The following UGT1A9 variants were observed in gnomAD, a reference collection of about 807,000 sequenced individuals.
UGT1A9 encodes the protein UDP glucuronosyltransferase family 1 member A9, also known as UDP-glucuronosyltransferase 1A9.
Under a neutral mutation model 45.0 loss-of-function variants are expected in UGT1A9, and 35 were observed. The observed-to-expected ratio is 0.78, with a 90% confidence interval of 0.59 to 1.03. The LOEUF is 1.03. Among genes scored for constraint, UGT1A9 ranks in the 50% least tolerant of loss-of-function variants. The probability of loss-of-function intolerance (pLI) is 0.00; values close to 1 mark genes in which losing one functional copy is unlikely to be tolerated. For missense variants in UGT1A9, 687 were observed against 666.6 expected (o/e 1.03, Z -0.34); for synonymous variants, 278 against 250.6 (o/e 1.11, Z -1.03).
At chr2:233,752,558 C>A (rs1695002027) in intron 1 of UGT1A9, 1 of 152,132 alleles carries the variant, frequency 6.6e-6, no homozygotes, top group Non-Finnish European at 1.5e-5. Context: ...GCTGGGACAA[C>A]ATAGTGGGTC....
chr2:233,701,928 A>G (rs1360011790), intron 1 of UGT1A9, among the ~76,000 whole-genome samples: 1 of 152,208 alleles, frequency 6.6e-6, no homozygotes, highest in Non-Finnish European at 1.5e-5. Flanking sequence ...CATCACAATT[A>G]AAAGAACTAG....
At chr2:233,730,107 G>C (rs2077985691) in intron 1 of UGT1A9, 1 of 1,570,754 alleles carries the variant, frequency 6.4e-7, no homozygotes. Flanking sequence ...TTTCATTTCT[G>C]CTTCTCCTTG....
At chr2:233,761,013 G>A in intron 1 of UGT1A9, 1 of 1,614,176 alleles carries the variant, frequency 6.2e-7, no homozygotes, top group Non-Finnish European at 8.5e-7. Flanking sequence ...AGAGAGAGGT[G>A]ACTGTCCAGG....
chr2:233,725,392 C>A (rs1422562370), intron 1 of UGT1A9, among the ~76,000 whole-genome samples: 1 of 151,006 alleles, frequency 6.6e-6, no homozygotes, highest in African/African-American at 2.4e-5. Flanking sequence ...TAATAGGTTA[C>A]CTTGATGGTC....
chr2:233,690,121 G>A (rs1008898157), intron 1 of UGT1A9, among the ~76,000 whole-genome samples: 5 of 152,190 alleles, frequency 3.3e-5, no homozygotes, highest in Admixed American at 2.0e-4. Flanking sequence ...ATATGTCTTT[G>A]TAACTTGGTG....
rs367682058 is a variant in UGT1A9, at chr2:233,743,655, C to T, written c.856-23379C>T. The T allele has an allele frequency of 6.6e-6, 9 of 1,367,176 alleles. No homozygotes were observed. In the East Asian group the frequency reaches 3.2e-4, roughly 48 times the overall value. The allele number at this position is 1,367,176 out of a possible 1,614,324, so 84.7% of individuals were successfully genotyped here. ...GGGTCGCGGAAGCTGAAGACGTACT[C>T]GAAGGGGTCCTCGAAGGGCCTGCCG... On this transcript the variant is annotated intron_variant, in intron 1 of 4. Coordinates refer to ENST00000354728, the MANE Select transcript of UGT1A9 (RefSeq NM_021027.3).
rs758873309 is a variant in UGT1A9 at position 233,767,044 on chromosome 2, C to G, written c.866C>G (p.Ala289Gly). The G allele has an allele frequency of 6.2e-7, 1 of 1,613,874 alleles. No homozygotes were observed. Among genetic ancestry groups the G allele is most frequent in the African/African-American group, 1.3e-5 (1 of 74,880 alleles). ...QGKPLPMEFE[A>G]YINASGEHGI... is the part of the protein sequence containing the mutation. ...TTCTTCTGGCTCTAGGAATTTGAAG[C>G]CTACATTAATGCTTCTGGAGAACAT... The change falls in exon 2 of 5, where the codon GCC becomes GGC. Residue 289 changes from alanine to glycine, a missense_variant. Ala to Gly is a moderately conservative substitution (Grantham distance 60). Coordinates refer to ENST00000354728, the MANE Select transcript of UGT1A9 (RefSeq NM_021027.3).
intron 1 of UGT1A9, chr2:233,721,850 A>G: frequency 1.9e-6 from 1 of 514,452 alleles, no homozygotes; most frequent in Non-Finnish European, 3.9e-6. Context: ...GTCCAGCCCC[A>G]CTGCTCGGCC....
At chr2:233,704,065 A>AT (rs1378377805) in intron 1 of UGT1A9, among the ~76,000 whole-genome samples, 22 of 151,732 alleles carry the variant, frequency 1.4e-4, no homozygotes, top group African/African-American at 5.1e-4. Flanking sequence ...TAATTTTTGT[A>AT]TTTTTTATAG....
chr2:233,743,464 C>T lies in UGT1A9; in HGVS notation c.856-23570C>T, dbSNP rs542057655. 5.5e-4 allele frequency: 753 copies of T among 1,366,482 alleles called. 6 individuals carry two copies. In the Admixed American group the frequency reaches 0.012, roughly 23 times the overall value. The allele number at this position is 1,366,482 out of a possible 1,614,324, so 84.6% of individuals were successfully genotyped here. On this transcript the variant is annotated intron_variant, in intron 1 of 4. Coordinates refer to ENST00000354728, the MANE Select transcript of UGT1A9 (RefSeq NM_021027.3). Reference sequence around the variant, plus strand: ...TGTATCAAAAGAAGAAAAAACACCCCCAAAAGCTGGAAATTCACTGAAGGC... The same window carrying T: ...TGTATCAAAAGAAGAAAAAACACCCTCAAAAGCTGGAAATTCACTGAAGGC...
chr2:233,689,458 A>T (rs933476239), intron 1 of UGT1A9, among the ~76,000 whole-genome samples: 2 of 152,272 alleles, frequency 1.3e-5, no homozygotes, highest in Non-Finnish European at 2.9e-5. Flanking sequence ...GATACATTTT[A>T]GGAAAACAGA....
chr2:233,735,517 G>A (rs2078663232), intron 1 of UGT1A9, among the ~76,000 whole-genome samples: 1 of 152,112 alleles, frequency 6.6e-6, no homozygotes, highest in Non-Finnish European at 1.5e-5. Context: ...TACATTTAAG[G>A]TAAATATTGT....
intron 1 of UGT1A9, among the ~76,000 whole-genome samples, chr2:233,751,216 T>G (rs569696168): frequency 6.6e-6 from 1 of 152,100 alleles, no homozygotes; most frequent in East Asian, 1.9e-4. Flanking sequence ...CTTTAAGATT[T>G]AATGACTGCC....
rs771390950 is a variant in UGT1A9, at chr2:233,729,756, G to T, written c.856-37278G>T. The T allele has an allele frequency of 1.9e-6, 3 of 1,613,874 alleles. No individual in the cohort carries two copies. The South Asian group carries it at 3.3e-5, about 18-fold the overall frequency. On this transcript the variant is annotated intron_variant, in intron 1 of 4. Transcript: ENST00000354728. ...CAGACCACATGACATTCATGCAAAG[G>T]GTCAAGAACATGCTCTACCCTCTGG... is the stretch of plus-strand genomic sequence containing the variant.
chr2:233,718,122 G>A (rs1197667790), intron 1 of UGT1A9: 2 of 287,308 alleles, frequency 7.0e-6, no homozygotes, highest in Non-Finnish European at 1.4e-5. Context: ...CTTATTCCAT[G>A]GTGTAGATGG....
chr2:233,679,347 T>C (rs1476789174), intron 1 of UGT1A9, among the ~76,000 whole-genome samples: 1 of 152,240 alleles, frequency 6.6e-6, no homozygotes. Context: ...AGTCCTTCTT[T>C]TTGTACAACA....
chr2:233,761,977 C>T (rs1011491640), intron 1 of UGT1A9, among the ~76,000 whole-genome samples: 8 of 152,204 alleles, frequency 5.3e-5, no homozygotes, highest in African/African-American at 1.9e-4. Context: ...ATATCACCTT[C>T]GGAGGTGACC....
rs371746067 is a variant in UGT1A9, at chr2:233,749,430, ACT to A, written c.856-17603_856-17602del. On this transcript the variant is annotated intron_variant, in intron 1 of 4. Transcript: ENST00000354728. ...TGTTAACTACATTGCTCAAAACTTC[ACT>A]GTCATCTCAGTGGAGCAGAACGAAT... Among the ~76,000 whole-genome samples, 11 of 151,874 alleles carry A rather than the reference ACT, an allele frequency of 7.2e-5. No individual in the cohort carries two copies. In the East Asian group the frequency reaches 1.7e-3, roughly 24 times the overall value.
At chr2:233,699,972 A>C (rs768298502) in intron 1 of UGT1A9, among the ~76,000 whole-genome samples, 1 of 152,052 alleles carries the variant, frequency 6.6e-6, no homozygotes, top group African/African-American at 2.4e-5. Flanking sequence ...CCGTCCCCCA[A>C]CTCCCAACAA....
Sources: gnomAD v4.1 joint callset for allele counts (sites outside exome capture counted in the v4.1 genomes callset) on GRCh38, gnomAD v4.1.1 for gene constraint, MANE v1.5 for transcripts, NCBI Gene and HGNC (gene_info 2026-07-23, HGNC 2026-07-21) for gene names.